ARHGEF16: variants seen among roughly 807,000 people sequenced by gnomAD.
The protein encoded by ARHGEF16 is Rho guanine exchange factor (GEF) 16.
Under a neutral mutation model 74.1 loss-of-function variants are expected in ARHGEF16, and 59 were observed. That is an observed-to-expected ratio of 0.80 (90% CI 0.65 to 0.99). ARHGEF16 has a LOEUF of 0.99. ARHGEF16 is among the 50% of genes least tolerant of loss of function. The pLI is 0.00. For synonymous variants in ARHGEF16, 415 were observed against 412.6 expected, an observed-to-expected ratio of 1.01 and a Z score of -0.07; for missense variants, 948 against 986.6, an observed-to-expected ratio of 0.96 and a Z score of 0.52.
At chr1:3,471,111 T>TG (rs1214725538) in intron 6 of ARHGEF16, among the ~76,000 whole-genome samples, 3 of 147,960 alleles carry the variant, frequency 2.0e-5, no homozygotes, top group African/African-American at 7.7e-5. Context: ...TGTGTGTGCC[T>TG]GGGCAGGGGT....
At chr1:3,455,920 A>C (rs538255434) in intron 1 of ARHGEF16, among the ~76,000 whole-genome samples, 27 of 152,294 alleles carry the variant, frequency 1.8e-4, no homozygotes, top group South Asian at 4.1e-4. Context: ...CTGCTGTGCG[A>C]TGCCCACAGC....
chr1:3,468,634 TG>T (rs1639615503), intron 4 of ARHGEF16: 2 of 542,574 alleles, frequency 3.7e-6, no homozygotes, highest in African/African-American at 1.9e-5. Flanking sequence ...ATGCTCTTTC[TG>T]GGCTGCTTTG....
chr1:3,479,434 CA>C, intron 12 of ARHGEF16, 82 bp from the exon 13 acceptor site: 1 of 1,487,696 alleles, frequency 6.7e-7, no homozygotes, highest in Non-Finnish European at 9.3e-7. Flanking sequence ...CCACGGCCCC[CA>C]TGGGTGGCTG....
Position 3,463,447 on chromosome 1 carries a change from C to A in ARHGEF16, c.363C>A (p.Asp121Glu), listed in dbSNP as rs1569844845. The change falls in exon 2 of 15, where the codon GAC (aspartate) becomes GAA (glutamate). Residue 121 changes from aspartate (D) to glutamate (E), a missense_variant. By Grantham distance (45) the Asp-to-Glu change is conservative (BLOSUM62 2). Transcript: ENST00000378378. ...TTAGCAGGGAGGCCGCCCGGCGGGA[C>A]CCTAAGCTCCTCCCAGCCCCCAGCT... ...AVLSREAARR[D>E]PKLLPAPSFS... The A allele has an allele frequency of 6.5e-7, 1 of 1,542,402 alleles. No homozygotes were observed. Among genetic ancestry groups the A allele is most frequent in the Non-Finnish European group, 8.8e-7 (1 of 1,142,442 alleles).
intron 1 of ARHGEF16, among the ~76,000 whole-genome samples, chr1:3,457,134 G>A (rs150318113): frequency 1.2e-4 from 19 of 152,378 alleles, no homozygotes; most frequent in African/African-American, 4.6e-4. Context: ...TGGCCACCTT[G>A]CAAACGGAGC....
At position 3,474,681 on chromosome 1, in the gene ARHGEF16, T is replaced by C. The variant is rs887875860; in HGVS notation, c.1306-27T>C. Reference sequence around the variant, plus strand: ...ACACCTGGGATGCCAGAGGGGACTTTCTGTCCCATGTCTGTTGTCCATCCA... The same window carrying C: ...ACACCTGGGATGCCAGAGGGGACTTCCTGTCCCATGTCTGTTGTCCATCCA... On this transcript the variant is annotated intron_variant, in intron 8 of 14. Coordinates refer to ENST00000378378, the MANE Select transcript of ARHGEF16 (RefSeq NM_014448.4). 8 of 1,601,802 alleles carry C rather than the reference T, an allele frequency of 5.0e-6. No homozygotes were observed. The African/African-American group carries it at 9.4e-5, about 19-fold the overall frequency.
chr1:3,473,276 T>C, intron 7 of ARHGEF16, 46 bp downstream of exon 7: 2 of 1,600,228 alleles, frequency 1.2e-6, no homozygotes, highest in East Asian at 2.2e-5. Context: ...AGGAGCATCC[T>C]GCACCCTGGT....
chr1:3,478,718 C>T lies in ARHGEF16; in HGVS notation c.1814+106C>T, dbSNP rs61056198. 3.1e-3 allele frequency: 4,079 copies of T among 1,296,096 alleles called. 110 individuals carry two copies. The African/African-American group carries it at 0.056, about 18-fold the overall frequency. 80.3% of individuals were successfully genotyped at this position (1,296,096 alleles called of 1,614,324 possible). ...TCGCTGTTGCATGGCTGGCTCTGAA[C>T]GCCCACCGTGCACCTGGCCCTGCTG... On this transcript the variant is annotated intron_variant, in intron 12 of 14. Coordinates refer to ENST00000378378, the MANE Select transcript of ARHGEF16 (RefSeq NM_014448.4).
At chr1:3,470,676 T>A (rs1639687402) in intron 6 of ARHGEF16, among the ~76,000 whole-genome samples, 1 of 147,104 alleles carries the variant, frequency 6.8e-6, no homozygotes, top group African/African-American at 2.5e-5. Flanking sequence ...TGTGAGTAGG[T>A]GTGTGTGCGT....
chr1:3,473,438 G>A lies in ARHGEF16; in HGVS notation c.1221G>A (p.Arg407=). 6.2e-7 allele frequency: 1 copy of A among 1,612,392 alleles called. No individual in the cohort carries two copies. The highest frequency in any genetic ancestry group is 1.7e-5 in the Admixed American group (1 of 60,002). ...GAGAGGCCCTGAGAGAGATTGAGAG[G>A]CGGCCGGCGTGCGGGGGCCTGCCCA... ...AFREALREIE[R]RPACGGLPML... is the part of the protein sequence containing the mutation. The change falls in exon 8 of 15, where the codon AGG becomes AGA. Residue 407 remains arginine, a synonymous_variant. Transcript: ENST00000378378.
chr1:3,474,521 G>T, intron 8 of ARHGEF16, 187 bp from the exon 9 acceptor site: 1 of 596,604 alleles, frequency 1.7e-6, no homozygotes, highest in South Asian at 2.0e-5. Flanking sequence ...AACCTGGCCT[G>T]ACCTGGCAGA....
At chr1:3,468,773 T>C in intron 4 of ARHGEF16, 107 bp from the exon 5 acceptor site, 4 of 1,299,306 alleles carry the variant, frequency 3.1e-6, no homozygotes, top group Middle Eastern at 1.8e-4. Flanking sequence ...CCCTGTGGGG[T>C]GGCTGTCCAT....
chr1:3,473,253 C>T (rs780095080), intron 7 of ARHGEF16, 23 bp downstream of exon 7: 3 of 1,609,816 alleles, frequency 1.9e-6, no homozygotes, highest in East Asian at 2.2e-5. Flanking sequence ...CCCCGAGGCC[C>T]GCAGGGTGGC....
chr1:3,462,079 G>A (rs534554214), intron 1 of ARHGEF16, among the ~76,000 whole-genome samples: 1 of 152,190 alleles, frequency 6.6e-6, no homozygotes, highest in South Asian at 2.1e-4. Context: ...GCTGCCAGGA[G>A]GGGCGGGCAG....
chr1:3,471,355 C>T (rs960909112), intron 6 of ARHGEF16, among the ~76,000 whole-genome samples: 2 of 152,070 alleles, frequency 1.3e-5, no homozygotes, highest in Admixed American at 6.5e-5. Flanking sequence ...CTGGCGCATT[C>T]TTATATCAGC....
At chr1:3,476,160 G>T in intron 10 of ARHGEF16, 98 bp downstream of exon 10, 1 of 1,303,682 alleles carries the variant, frequency 7.7e-7, no homozygotes, top group Non-Finnish European at 1.1e-6. Context: ...CTGAGGGCTG[G>T]AGAGTGGGTG....
intron 5 of ARHGEF16, 21 bp from the exon 6 acceptor site, chr1:3,469,412 C>T: frequency 6.2e-7 from 1 of 1,612,150 alleles, no homozygotes; most frequent in Non-Finnish European, 8.5e-7. Context: ...CTGTGGGGCT[C>T]ACCTAGGCCC....
chr1:3,461,945 G>A (rs552741878), intron 1 of ARHGEF16, among the ~76,000 whole-genome samples: 37 of 152,338 alleles, frequency 2.4e-4, no homozygotes, highest in Non-Finnish European at 4.3e-4. Flanking sequence ...AGGGGCAGAA[G>A]GGCAGCCCTG....
At chr1:3,471,044 G>A (rs531909993) in intron 6 of ARHGEF16, among the ~76,000 whole-genome samples, 75 of 148,388 alleles carry the variant, frequency 5.1e-4, no homozygotes, top group African/African-American at 1.8e-3. Flanking sequence ...GCGTGGGCAG[G>A]GATGTGTGTG....
Sources: allele counts gnomAD v4.1 joint callset (sites outside exome capture counted in the v4.1 genomes callset), GRCh38; gene constraint gnomAD v4.1.1; transcripts MANE v1.5; gene names NCBI Gene and HGNC (gene_info 2026-07-23, HGNC 2026-07-21).